The following COL22A1 variants were observed in gnomAD, a reference collection of about 807,000 sequenced individuals.
COL22A1 encodes collagen alpha-1(XXII) chain.
A neutral mutation model predicts 248.9 loss-of-function variants in COL22A1; 221 were observed. That is an observed-to-expected ratio of 0.89 (90% confidence interval 0.80 to 0.99). The LOEUF is 0.99. COL22A1 is among the 50% of genes least tolerant of loss of function. The pLI, the probability that COL22A1 is intolerant of heterozygous loss-of-function variation, is 0.00. For synonymous variants in COL22A1, 891 were observed against 793.4 expected, an observed-to-expected ratio of 1.12 and a Z score of -2.07; for missense variants, 2,240 against 2,179.0, an observed-to-expected ratio of 1.03 and a Z score of -0.56.
At chr8:138,728,421 G>A (rs920305696) in intron 23 of COL22A1, among the ~76,000 whole-genome samples, 2 of 152,054 alleles carry the variant, frequency 1.3e-5, no homozygotes, top group Non-Finnish European at 2.9e-5. Flanking sequence ...CTCTTTGTTA[G>A]CAGTCTGAAT....
At chr8:138,821,506 C>A (rs909404271) in intron 6 of COL22A1, 95 bp from the exon 7 acceptor site, 12 of 1,274,902 alleles carry the variant, frequency 9.4e-6, no homozygotes, top group Admixed American at 3.8e-5. Flanking sequence ...ACCTGGCAAT[C>A]CTGAGTCAAT....
At position 138,751,531 on chromosome 8, in the gene COL22A1, GA is replaced by G; in HGVS notation, c.2032-21del. 1.3e-6 allele frequency: 2 copies of G among 1,572,674 alleles called. No individual in the cohort carries two copies. The highest frequency in any genetic ancestry group is 1.7e-6 in the Non-Finnish European group (2 of 1,149,740). ...TGGACCCTTTAGGAGGGAGAAAAAG[GA>G]AAAAGAGAGAGAAACATAATGGTAA... On this transcript the variant is annotated intron_variant, in intron 21 of 64. Coordinates refer to ENST00000303045, the MANE Select transcript of COL22A1 (RefSeq NM_152888.3).
At chr8:138,669,531 C>T (rs1587820365) in intron 41 of COL22A1, among the ~76,000 whole-genome samples, 1 of 152,190 alleles carries the variant, frequency 6.6e-6, no homozygotes, top group Non-Finnish European at 1.5e-5. Flanking sequence ...GCTGTCTTCT[C>T]GCTTAGAAAC....
intron 32 of COL22A1, among the ~76,000 whole-genome samples, chr8:138,696,612 C>T (rs1827526233): frequency 6.6e-6 from 1 of 152,212 alleles, no homozygotes; most frequent in Non-Finnish European, 1.5e-5. Context: ...TCTGATACGG[C>T]AGTTGGAGAC....
rs962361934 is a variant in COL22A1, at chr8:138,685,259, A to T, written c.2916T>A (p.Pro972=). The T allele has an allele frequency of 6.2e-7, 1 of 1,613,906 alleles. No individual in the cohort carries two copies. The highest frequency in any genetic ancestry group is 8.5e-7 in the Non-Finnish European group (1 of 1,179,916). The part of the protein sequence containing the change: ...SPGPVGPRGD[P]GAPGLPGPPG... ...GTGGCCCAGGGAGCCCAGGAGCACC[A>T]GGATCTCCCCTGGGACCAACTGGCC... The change falls in exon 38 of 65, where the codon CCT becomes CCA. Residue 972 remains proline (P), a synonymous_variant. Coordinates refer to ENST00000303045, the MANE Select transcript of COL22A1 (RefSeq NM_152888.3).
At chr8:138,852,698 G>T (rs946338192) in intron 3 of COL22A1, among the ~76,000 whole-genome samples, 1 of 152,160 alleles carries the variant, frequency 6.6e-6, no homozygotes, top group Non-Finnish European at 1.5e-5. Context: ...TTGAAATGCG[G>T]GGGATGAGGA....
chr8:138,601,383 C>T (rs11166828), intron 60 of COL22A1, among the ~76,000 whole-genome samples: 87,159 of 151,866 alleles, frequency 0.57, 30,416 homozygotes, highest in Middle Eastern at 0.79. Flanking sequence ...ACCCCACTTG[C>T]GAAGAAAGCC....
chr8:138,741,817 T>C (rs927724481), intron 22 of COL22A1, among the ~76,000 whole-genome samples: 1 of 152,130 alleles, frequency 6.6e-6, no homozygotes, highest in African/African-American at 2.4e-5. Flanking sequence ...ATGGTAGCAG[T>C]TGGTGATTTT....
rs1412301636 is a variant in COL22A1, at chr8:138,588,688, T to G, written c.*565A>C. The G allele has an allele frequency of 2.0e-5, 3 of 152,292 alleles. No homozygotes were observed. Among genetic ancestry groups the G allele is most frequent in the Non-Finnish European group, 4.4e-5 (3 of 68,112 alleles). The allele number at this position is 152,292 out of a possible 1,614,324, so 9.4% of individuals were successfully genotyped here. A position where few individuals can be genotyped will look rare whatever the true frequency, so the allele number is the denominator to read the frequency against. ...ACGTCCCGTCGGGAGGTGGGAACAT[T>G]CCTCATGGTTGCAAATTCTTTCTCT... On this transcript the variant is annotated 3_prime_UTR_variant, in exon 65 of 65. Transcript: ENST00000303045.
intron 35 of COL22A1, among the ~76,000 whole-genome samples, chr8:138,691,906 AC>A (rs1437787210): frequency 2.0e-4 from 3 of 14,796 alleles, no homozygotes; most frequent in African/African-American, 3.7e-4. Context: ...GTATGTGTGC[AC>A]GTGCATGTGT....
rs1330276027 is a variant in COL22A1 at position 138,722,085 on chromosome 8, G to T, written c.2252C>A (p.Pro751His). 2.5e-6 allele frequency: 4 copies of T among 1,582,288 alleles called. No homozygotes were observed. Among genetic ancestry groups the T allele is most frequent in the Non-Finnish European group, 3.4e-6 (4 of 1,162,290 alleles). ...GKPGPPGPTG[P>H]PGKDGPNGPP... is the part of the protein sequence containing the mutation. ...TCCATTTGGCCCGTCCTTTCCAGGG[G>T]GTCCCTGGGCCAAGAGGGGAAAACA... Residue 751 changes from proline to histidine, a missense_variant, in exon 26 of 65, where the codon CCC becomes CAC. By Grantham distance (77) the Pro-to-His change is moderately conservative. Coordinates refer to ENST00000303045, the MANE Select transcript of COL22A1 (RefSeq NM_152888.3).
In COL22A1 at chr8:138,760,226, G is replaced by A; in HGVS notation, c.1902+17C>T. ...TGCCCAGGGCACAGAGCCCTTGACA[G>A]CCCCAGGCTCGCTCACCTTTTCTCC... On this transcript the variant is annotated intron_variant, in intron 18 of 64. Coordinates refer to ENST00000303045, the MANE Select transcript of COL22A1 (RefSeq NM_152888.3). 1 of 1,559,950 alleles carries A rather than the reference G, an allele frequency of 6.4e-7. No homozygotes were observed. The highest frequency in any genetic ancestry group is 8.7e-7 in the Non-Finnish European group (1 of 1,151,852).
intron 56 of COL22A1, among the ~76,000 whole-genome samples, chr8:138,610,322 A>T (rs1342719344): frequency 6.6e-6 from 1 of 152,206 alleles, no homozygotes; most frequent in African/African-American, 2.4e-5. Flanking sequence ...GGGTGTCTGT[A>T]GATTTTAGAG....
chr8:138,608,951 C>G (rs1226203844), intron 56 of COL22A1, among the ~76,000 whole-genome samples: 1 of 152,226 alleles, frequency 6.6e-6, no homozygotes, highest in South Asian at 2.1e-4. Context: ...GCCAGACACA[C>G]AGGAGGTTTC....
chr8:138,764,085 G>A (rs769197916), intron 16 of COL22A1, among the ~76,000 whole-genome samples: 7 of 152,026 alleles, frequency 4.6e-5, no homozygotes, highest in African/African-American at 7.2e-5. Flanking sequence ...TGCTTTTTCC[G>A]TTTGAGGTTG....
At chr8:138,660,859 G>T (rs149049222) in intron 43 of COL22A1, among the ~76,000 whole-genome samples, 8 of 25,840 alleles carry the variant, frequency 3.1e-4, no homozygotes, top group African/African-American at 8.3e-4. Flanking sequence ...CACATACACA[G>T]ACACACAAAC....
At chr8:138,848,570 T>C (rs1821414265) in intron 3 of COL22A1, among the ~76,000 whole-genome samples, 1 of 152,206 alleles carries the variant, frequency 6.6e-6, no homozygotes, top group African/African-American at 2.4e-5. Context: ...CATGGTTCTG[T>C]CTGCAGAACA....
intron 5 of COL22A1, among the ~76,000 whole-genome samples, chr8:138,829,403 G>GTTTTTTTTTTTTTTTTTTTT: frequency 2.2e-5 from 2 of 90,640 alleles, no homozygotes; most frequent in Non-Finnish European, 4.0e-5. Context: ...TTCCTTTCCT[G>GTTTTTTTTTTTTTTTTTTTT]TTTTTTTTTT....
chr8:138,747,269 G>A (rs573005029), intron 22 of COL22A1, among the ~76,000 whole-genome samples: 3 of 152,178 alleles, frequency 2.0e-5, no homozygotes, highest in Non-Finnish European at 4.4e-5. Flanking sequence ...TGCATTTAGG[G>A]TATATGAAGG....
Sources: gnomAD v4.1 joint callset for allele counts (sites outside exome capture counted in the v4.1 genomes callset) on GRCh38, gnomAD v4.1.1 for gene constraint, MANE v1.5 for transcripts, NCBI Gene and HGNC (gene_info 2026-07-23, HGNC 2026-07-21) for gene names.